RTN1: variants seen among roughly 807,000 people sequenced by gnomAD.
The protein encoded by RTN1 is reticulon-1.
In RTN1, 25 loss-of-function variants were observed where a neutral mutation model predicts 65.5. The ratio of observed to expected loss-of-function variants is 0.38; its 90% CI spans 0.28 to 0.53. The LOEUF (loss-of-function observed/expected upper bound fraction) is 0.53, where lower values mean the gene tolerates loss of function less well. Among genes scored for constraint, RTN1 ranks in the 20% least tolerant of loss-of-function variants. The pLI is 0.79. For synonymous variants in RTN1, 471 were observed against 447.6 expected (o/e 1.05, Z -0.66); for missense variants, 983 against 1,025.4 (o/e 0.96, Z 0.57).
Position 59,745,837 on chromosome 14 carries a change from T to G in RTN1, c.886A>C (p.Thr296Pro), listed in dbSNP as rs1433170418. 1 of 1,613,946 alleles carries G rather than the reference T, an allele frequency of 6.2e-7. No individual in the cohort carries two copies. The highest frequency in any genetic ancestry group is 1.7e-5 in the Admixed American group (1 of 59,990). The change falls in exon 2 of 9, where the codon ACC (threonine) becomes CCC (proline). Residue 296 changes from threonine to proline, a missense_variant. By Grantham distance (38) the Thr-to-Pro change is conservative. Transcript: ENST00000267484. ...TGCTTCTCAGGGGTCTTCTCTTGGG[T>G]AGTGGTTTCAACAGAAGGTTCTATT... is the stretch of plus-strand genomic sequence containing the variant. Reference protein sequence around the residue: ...TEIEPSVETTTQEKTPEKQDI... With the variant: ...TEIEPSVETTPQEKTPEKQDI...
At chr14:59,693,531 C>T (rs1884003670) in intron 3 of RTN1, among the ~76,000 whole-genome samples, 1 of 152,046 alleles carries the variant, frequency 6.6e-6, no homozygotes, top group Admixed American at 6.6e-5. Context: ...CCTATCAGAC[C>T]CCAAAGTCCA....
chr14:59,843,741 A>G (rs1320848366), intron 1 of RTN1, among the ~76,000 whole-genome samples: 1 of 152,200 alleles, frequency 6.6e-6, no homozygotes, highest in Admixed American at 6.5e-5. Flanking sequence ...CAAAACTCAT[A>G]AAGCCTGTGT....
At chr14:59,830,283 A>G (rs1887102489) in intron 1 of RTN1, among the ~76,000 whole-genome samples, 1 of 152,236 alleles carries the variant, frequency 6.6e-6, no homozygotes, top group Non-Finnish European at 1.5e-5. Context: ...AACATTAAAG[A>G]TGTTTTGTGC....
At chr14:59,705,229 T>C (rs1286354025) in intron 3 of RTN1, among the ~76,000 whole-genome samples, 1 of 152,188 alleles carries the variant, frequency 6.6e-6, no homozygotes, top group Non-Finnish European at 1.5e-5. Flanking sequence ...GGAGTTCATA[T>C]AGTTATCTGT....
chr14:59,622,914 C>CTA, intron 3 of RTN1, among the ~76,000 whole-genome samples: 1 of 152,270 alleles, frequency 6.6e-6, no homozygotes, highest in South Asian at 2.1e-4. Flanking sequence ...TAACTACAAC[C>CTA]TATATGACTG....
chr14:59,745,725 G>A lies in RTN1; in HGVS notation c.998C>T (p.Pro333Leu). The A allele has an allele frequency of 6.2e-7, 1 of 1,607,706 alleles. No individual in the cohort carries two copies. The highest frequency in any genetic ancestry group is 8.5e-7 in the Non-Finnish European group (1 of 1,177,704). Residue 333 changes from proline (P) to leucine (L), a missense_variant, in exon 2 of 9, where the codon CCT (proline) becomes CTT (leucine). Pro to Leu is a moderately conservative substitution (Grantham distance 98). Transcript: ENST00000267484. ...PEDDSPGSIT[P>L]PSSGTEPSAA... ...GCCTTTACCTGTTCCAGAAGATGGAGGGGTGATAGATCCTGGGCTGTCGTC... is the reference window on the plus strand; with the variant it reads ...GCCTTTACCTGTTCCAGAAGATGGAAGGGTGATAGATCCTGGGCTGTCGTC...
At chr14:59,619,294 T>G (rs1233217251) in intron 3 of RTN1, among the ~76,000 whole-genome samples, 1 of 152,190 alleles carries the variant, frequency 6.6e-6, no homozygotes, top group East Asian at 1.9e-4. Flanking sequence ...ACACTTGTCT[T>G]TAAATCTCCA....
intron 1 of RTN1, among the ~76,000 whole-genome samples, chr14:59,783,835 G>C (rs573760551): frequency 6.7e-6 from 1 of 149,574 alleles, no homozygotes; most frequent in South Asian, 2.1e-4. Context: ...CTATAGACCT[G>C]TATGAATTAA....
intron 1 of RTN1, among the ~76,000 whole-genome samples, chr14:59,799,211 G>T (rs8017824): frequency 6.6e-6 from 1 of 152,056 alleles, no homozygotes; most frequent in Admixed American, 6.5e-5. Flanking sequence ...GCTAAGGATA[G>T]TACACTTAGT....
chr14:59,627,719 A>G (rs944189705), intron 3 of RTN1, among the ~76,000 whole-genome samples: 57 of 152,202 alleles, frequency 3.7e-4, no homozygotes, highest in African/African-American at 1.3e-3. Flanking sequence ...CTGAAATTAT[A>G]TATGTTGATA....
intron 1 of RTN1, among the ~76,000 whole-genome samples, chr14:59,792,994 A>G (rs986215150): frequency 3.9e-5 from 6 of 152,194 alleles, no homozygotes; most frequent in Non-Finnish European, 8.8e-5. Context: ...CTTCCCTGAA[A>G]TCATGTGACA....
At chr14:59,701,954 C>T (rs12717467) in intron 3 of RTN1, among the ~76,000 whole-genome samples, 99,483 of 151,992 alleles carry the variant, frequency 0.65, 32,752 homozygotes, top group South Asian at 0.72. Context: ...TGTAAAATTA[C>T]TGAATTGGAG....
intron 1 of RTN1, among the ~76,000 whole-genome samples, chr14:59,792,205 G>T (rs1886361478): frequency 6.6e-6 from 1 of 152,092 alleles, no homozygotes; most frequent in South Asian, 2.1e-4. Flanking sequence ...TTGGGAGAGG[G>T]AGATTTTGTG....
chr14:59,645,402 A>G (rs1049922795), intron 3 of RTN1, among the ~76,000 whole-genome samples: 1 of 150,582 alleles, frequency 6.6e-6, no homozygotes, highest in Non-Finnish European at 1.5e-5. Flanking sequence ...TATATATTAC[A>G]TGTTTTCTAT....
At chr14:59,647,591 C>A (rs1019190074) in intron 3 of RTN1, among the ~76,000 whole-genome samples, 1 of 152,098 alleles carries the variant, frequency 6.6e-6, no homozygotes, top group Non-Finnish European at 1.5e-5. Flanking sequence ...TGAAATCATA[C>A]CAAATTCACT....
chr14:59,679,998 T>C (rs770785173), intron 3 of RTN1, among the ~76,000 whole-genome samples: 2 of 152,218 alleles, frequency 1.3e-5, no homozygotes, highest in Admixed American at 6.5e-5. Flanking sequence ...GTGCAACCTC[T>C]ACAACATAGC....
intron 3 of RTN1, among the ~76,000 whole-genome samples, chr14:59,687,879 A>AG (rs1003443283): frequency 9.9e-5 from 15 of 152,126 alleles, no homozygotes; most frequent in African/African-American, 3.1e-4. Context: ...ATCTTGGTGA[A>AG]GGGGGGCCTT....
chr14:59,795,866 T>C (rs958988340), intron 1 of RTN1, among the ~76,000 whole-genome samples: 17 of 152,170 alleles, frequency 1.1e-4, no homozygotes, highest in Non-Finnish European at 1.9e-4. Flanking sequence ...TCCTCAGAAA[T>C]GTAATACGTT....
chr14:59,749,181 T>TC (rs1885307844), intron 1 of RTN1, among the ~76,000 whole-genome samples: 1 of 112,178 alleles, frequency 8.9e-6, no homozygotes, highest in Non-Finnish European at 1.6e-5. Context: ...TCTATCTATA[T>TC]ATCTATCTAT....
Sources: gnomAD v4.1 joint callset for allele counts (sites outside exome capture counted in the v4.1 genomes callset) on GRCh38, gnomAD v4.1.1 for gene constraint, MANE v1.5 for transcripts, NCBI Gene and HGNC (gene_info 2026-07-23, HGNC 2026-07-21) for gene names.